The following DPYD variants were observed in gnomAD, a reference collection of about 807,000 sequenced individuals.
The protein encoded by DPYD is dihydropyrimidine dehydrogenase [NADP(+)].
Under a neutral mutation model 116.2 loss-of-function variants are expected in DPYD, and 109 were observed. The ratio of observed to expected loss-of-function variants is 0.94; its 90% CI spans 0.80 to 1.10. DPYD has a LOEUF of 1.10. Among genes scored for constraint, DPYD ranks in the 50% least tolerant of loss-of-function variants. DPYD has a pLI of 0.00. For synonymous variants in DPYD, 440 were observed against 432.0 expected, an observed-to-expected ratio of 1.02 and a Z score of -0.23; for missense variants, 1,302 against 1,254.5, an observed-to-expected ratio of 1.04 and a Z score of -0.57.
At chr1:97,670,032 T>C (rs1284518218) in intron 8 of DPYD, among the ~76,000 whole-genome samples, 1 of 152,182 alleles carries the variant, frequency 6.6e-6, no homozygotes, top group African/African-American at 2.4e-5. Flanking sequence ...AACCACTGTG[T>C]ACTGTGCACA....
chr1:97,673,917 C>G (rs1376473486), intron 8 of DPYD, among the ~76,000 whole-genome samples: 1 of 152,108 alleles, frequency 6.6e-6, no homozygotes, highest in Non-Finnish European at 1.5e-5. Flanking sequence ...TAAGGTAAAA[C>G]TAAAAACAGT....
chr1:97,864,224 C>G (rs575192099), intron 2 of DPYD, among the ~76,000 whole-genome samples: 44 of 151,836 alleles, frequency 2.9e-4, no homozygotes, highest in African/African-American at 1.1e-3. Context: ...AATAAGCCCT[C>G]AACAGAGATT....
chr1:97,776,823 T>C (rs902525406), intron 3 of DPYD, among the ~76,000 whole-genome samples: 2 of 152,200 alleles, frequency 1.3e-5, no homozygotes, highest in African/African-American at 4.8e-5. Context: ...TGCTTAAAGT[T>C]TTCTTATGGA....
intron 7 of DPYD, among the ~76,000 whole-genome samples, chr1:97,686,896 T>C (rs1386557969): frequency 6.6e-6 from 1 of 151,866 alleles, no homozygotes; most frequent in East Asian, 1.9e-4. Flanking sequence ...TTGGAATCTA[T>C]CCATCTGACA....
intron 19 of DPYD, among the ~76,000 whole-genome samples, chr1:97,227,641 A>G (rs1409544933): frequency 6.9e-6 from 1 of 144,596 alleles, no homozygotes; most frequent in African/African-American, 2.9e-5. Flanking sequence ...GATAAATGCA[A>G]TTTGGTTTTC....
Position 97,739,831 on chromosome 1 carries a change from A to T in DPYD, c.321+561T>A, listed in dbSNP as rs182943205. Among the ~76,000 whole-genome samples the T allele has an allele frequency of 8.6e-4, 131 of 151,598 alleles. No individual in the cohort carries two copies. In the East Asian group the frequency reaches 0.014, roughly 16 times the overall value. ...TGGGCTTAGACTTACATTGATTTTT[A>T]AAAAAAAATAAAGATCAAAATTCCT... On this transcript the variant is annotated intron_variant, in intron 4 of 22. Transcript: ENST00000370192.
intron 8 of DPYD, among the ~76,000 whole-genome samples, chr1:97,662,891 T>C (rs941766665): frequency 6.6e-6 from 1 of 152,202 alleles, no homozygotes; most frequent in African/African-American, 2.4e-5. Flanking sequence ...GAATTGGTAG[T>C]CACACAGTTT....
At chr1:97,714,577 G>T (rs571025322) in intron 5 of DPYD, among the ~76,000 whole-genome samples, 1 of 149,234 alleles carries the variant, frequency 6.7e-6, no homozygotes, top group African/African-American at 2.5e-5. Context: ...TTCTAAAGAA[G>T]GAACCCAACA....
intron 18 of DPYD, among the ~76,000 whole-genome samples, chr1:97,284,988 T>A (rs1007908694): frequency 1.1e-4 from 16 of 152,104 alleles, no homozygotes; most frequent in African/African-American, 3.6e-4. Flanking sequence ...TTTGGGAAAA[T>A]CCCCTTTTCA....
intron 20 of DPYD, among the ~76,000 whole-genome samples, chr1:97,148,189 G>C (rs1654766648): frequency 6.6e-6 from 1 of 150,732 alleles, no homozygotes; most frequent in South Asian, 2.1e-4. Context: ...TGGGGCACTG[G>C]TATATCCCTC....
At chr1:97,402,062 CT>C (rs1646011670) in intron 14 of DPYD, among the ~76,000 whole-genome samples, 1 of 152,050 alleles carries the variant, frequency 6.6e-6, no homozygotes, top group African/African-American at 2.4e-5. Flanking sequence ...AGTGTCAGTC[CT>C]CTAACTTTGT....
At chr1:97,385,210 G>C (rs780012031) in intron 14 of DPYD, among the ~76,000 whole-genome samples, 1 of 132,554 alleles carries the variant, frequency 7.5e-6, no homozygotes, top group Non-Finnish European at 1.5e-5. Flanking sequence ...AAAGATCAGG[G>C]AGAACTATCA....
At chr1:97,537,903 G>A (rs561236871) in intron 12 of DPYD, among the ~76,000 whole-genome samples, 1 of 152,200 alleles carries the variant, frequency 6.6e-6, no homozygotes, top group East Asian at 1.9e-4. Flanking sequence ...TTCAGGACCA[G>A]CCTGACCAAC....
At chr1:97,164,886 T>G (rs994956600) in intron 20 of DPYD, among the ~76,000 whole-genome samples, 4 of 152,030 alleles carry the variant, frequency 2.6e-5, no homozygotes, top group African/African-American at 9.6e-5. Context: ...TTTTTTGTAT[T>G]TTTAGTAGAG....
At chr1:97,761,544 T>C (rs1355727203) in intron 3 of DPYD, among the ~76,000 whole-genome samples, 1 of 152,098 alleles carries the variant, frequency 6.6e-6, no homozygotes, top group Non-Finnish European at 1.5e-5. Flanking sequence ...GCAAGGTTGC[T>C]GAGAAAAGGG....
In DPYD at chr1:97,766,091, A is replaced by G. The variant is rs1391401864; in HGVS notation, c.234-25612T>C. ...AAACTCTACTAAAAAAACACAAAAA[A>G]TTAGCCATGCGTGGTGACACATGCC... On this transcript the variant is annotated intron_variant, in intron 3 of 22. Transcript: ENST00000370192. Among the ~76,000 whole-genome samples the G allele has an allele frequency of 3.3e-5, 5 of 152,196 alleles. No individual in the cohort carries two copies. In the East Asian group the frequency reaches 9.7e-4, roughly 30 times the overall value.
At chr1:97,901,103 T>C (rs544120291) in intron 1 of DPYD, among the ~76,000 whole-genome samples, 5 of 151,922 alleles carry the variant, frequency 3.3e-5, no homozygotes, top group African/African-American at 1.2e-4. Context: ...GCTTACAGTA[T>C]GCCAGGCACC....
chr1:97,527,008 T>C (rs1649177781), intron 12 of DPYD, among the ~76,000 whole-genome samples: 1 of 151,924 alleles, frequency 6.6e-6, no homozygotes, highest in South Asian at 2.1e-4. Context: ...CAAAGATTAA[T>C]AAGTGGTAGA....
chr1:97,538,824 G>A (rs1650208004), intron 12 of DPYD, among the ~76,000 whole-genome samples: 1 of 152,136 alleles, frequency 6.6e-6, no homozygotes, highest in Non-Finnish European at 1.5e-5. Flanking sequence ...CAGAATATTT[G>A]TGTGTGTGTC....
Sources: gnomAD v4.1 joint callset for allele counts (sites outside exome capture counted in the v4.1 genomes callset) on GRCh38, gnomAD v4.1.1 for gene constraint, MANE v1.5 for transcripts, NCBI Gene and HGNC (gene_info 2026-07-23, HGNC 2026-07-21) for gene names.